The following IL1RAPL2 variants were observed in gnomAD, a reference collection of about 807,000 sequenced individuals.
IL1RAPL2 encodes interleukin 1 receptor accessory protein like 2.
A neutral mutation model predicts 44.1 loss-of-function variants in IL1RAPL2; 3 were observed. The ratio of observed to expected loss-of-function variants is 0.07; its 90% CI spans 0.03 to 0.18. The LOEUF is 0.18. Ranked by LOEUF, IL1RAPL2 falls within the 10% of genes least tolerant of loss-of-function variation. The pLI is 1.00. For missense variants in IL1RAPL2, 391 were observed against 496.4 expected (o/e 0.79, Z 2.02); for synonymous variants, 181 against 178.8 (o/e 1.01, Z -0.10).
chrX:105,509,921 T>C (rs1276389800), intron 6 of IL1RAPL2, among the ~76,000 whole-genome samples: 1 of 111,325 alleles, frequency 9.0e-6, no homozygotes, highest in African/African-American at 3.3e-5. Flanking sequence ...CCTGTAATCC[T>C]AGCATTTTGG....
intron 7 of IL1RAPL2, among the ~76,000 whole-genome samples, chrX:105,736,913 A>G (rs181968187): frequency 5.8e-4 from 65 of 112,222 alleles, no homozygotes; most frequent in Non-Finnish European, 1.0e-3. Context: ...GTTCTACCAT[A>G]AAGATGCATG....
chrX:105,748,830 C>A, intron 8 of IL1RAPL2, 130 bp from the exon 9 acceptor site: 1 of 536,809 alleles, frequency 1.9e-6, no homozygotes, highest in Non-Finnish European at 2.9e-6. Context: ...AAGAGCAAAG[C>A]TACTGCATTA....
chrX:104,740,805 T>C (rs1391740047), intron 2 of IL1RAPL2, among the ~76,000 whole-genome samples: 1 of 111,456 alleles, frequency 9.0e-6, no homozygotes, highest in East Asian at 2.8e-4. Context: ...TGTTCTACCT[T>C]TGGAAATTGT....
intron 2 of IL1RAPL2, among the ~76,000 whole-genome samples, chrX:104,812,532 T>G (rs780798232): frequency 1.8e-5 from 2 of 111,256 alleles, no homozygotes; most frequent in South Asian, 7.6e-4. Flanking sequence ...TCTGTTTTTT[T>G]TTCTGCCTTA....
chrX:104,997,853 G>T (rs186371071), intron 2 of IL1RAPL2, among the ~76,000 whole-genome samples: 223 of 111,714 alleles, frequency 2.0e-3, no homozygotes, highest in Non-Finnish European at 3.4e-3. Context: ...CAAGAGTTCT[G>T]TTTTGGAGAT....
chrX:105,518,761 T>G (rs1164705323), intron 6 of IL1RAPL2, among the ~76,000 whole-genome samples: 2 of 111,864 alleles, frequency 1.8e-5, no homozygotes, highest in Admixed American at 9.6e-5. Context: ...ATGACACATT[T>G]CAAGTACTTG....
At chrX:105,283,090 C>A (rs1041070686) in intron 5 of IL1RAPL2, among the ~76,000 whole-genome samples, 1 of 110,928 alleles carries the variant, frequency 9.0e-6, no homozygotes, top group African/African-American at 3.3e-5. Context: ...AAGTGGAAAC[C>A]GTTATTCACC....
intron 5 of IL1RAPL2, among the ~76,000 whole-genome samples, chrX:105,338,816 C>T (rs2035048292): frequency 9.0e-6 from 1 of 111,714 alleles, no homozygotes; most frequent in African/African-American, 3.3e-5. Context: ...AACAGCAGCA[C>T]AGGCTGGGCG....
At chrX:105,555,542 A>G (rs1026263675) in intron 6 of IL1RAPL2, among the ~76,000 whole-genome samples, 22 of 112,216 alleles carry the variant, frequency 2.0e-4, no homozygotes, top group Middle Eastern at 4.6e-3. Context: ...GAAAGGTCTC[A>G]GTCATTCCTC....
At position 104,952,941 on chromosome X, in the gene IL1RAPL2, CTA is replaced by C. The variant is rs1265266890; in HGVS notation, c.83-242532_83-242531del. Reference sequence around the variant, plus strand: ...GTCTAGTGTCATGTTTAAGTGTGGACTATGTTTTGATCTGTTCTTTGCCAATT... The same window carrying C: ...GTCTAGTGTCATGTTTAAGTGTGGACTGTTTTGATCTGTTCTTTGCCAATT... On this transcript the variant is annotated intron_variant, in intron 2 of 10. Coordinates refer to ENST00000372582, the MANE Select transcript of IL1RAPL2 (RefSeq NM_017416.2). Among the ~76,000 whole-genome samples, 5 of 112,221 alleles carry C rather than the reference CTA, an allele frequency of 4.5e-5. No individual in the cohort carries two copies. The Admixed American group carries it at 4.7e-4, about 11-fold the overall frequency.
intron 5 of IL1RAPL2, among the ~76,000 whole-genome samples, chrX:105,360,955 A>T (rs996692929): frequency 9.0e-6 from 1 of 111,549 alleles, no homozygotes; most frequent in South Asian, 3.7e-4. Context: ...CTATTTAATG[A>T]TTATCTATAG....
chrX:104,871,375 C>G (rs1922757536), intron 2 of IL1RAPL2, among the ~76,000 whole-genome samples: 1 of 111,502 alleles, frequency 9.0e-6, no homozygotes, highest in Non-Finnish European at 1.9e-5. Flanking sequence ...CATGATAATA[C>G]AAATCTGGGA....
At chrX:104,710,289 G>A (rs1465101597) in intron 2 of IL1RAPL2, among the ~76,000 whole-genome samples, 1 of 111,318 alleles carries the variant, frequency 9.0e-6, no homozygotes, top group Non-Finnish European at 1.9e-5. Flanking sequence ...ACATACAATG[G>A]AATATTATTT....
At chrX:105,414,629 C>A (rs73245777) in intron 5 of IL1RAPL2, among the ~76,000 whole-genome samples, 1 of 111,356 alleles carries the variant, frequency 9.0e-6, no homozygotes, top group Non-Finnish European at 1.9e-5. Context: ...GTTCAGTAGA[C>A]CCAGGAAACT....
intron 2 of IL1RAPL2, among the ~76,000 whole-genome samples, chrX:104,753,140 T>A (rs750530548): frequency 9.2e-6 from 1 of 108,751 alleles, no homozygotes; most frequent in African/African-American, 3.3e-5. Context: ...CAATATCTTT[T>A]TTTTTTTTTT....
chrX:105,051,891 CT>C (rs1310162073), intron 2 of IL1RAPL2, among the ~76,000 whole-genome samples: 1 of 112,220 alleles, frequency 8.9e-6, no homozygotes, highest in Non-Finnish European at 1.9e-5. Context: ...GGAAACGGAA[CT>C]TAAGAGGACG....
intron 6 of IL1RAPL2, among the ~76,000 whole-genome samples, chrX:105,577,260 G>A (rs2037057389): frequency 9.0e-6 from 1 of 111,546 alleles, no homozygotes; most frequent in East Asian, 2.8e-4. Flanking sequence ...ATAATTGCCA[G>A]TAAAAGCATT....
At chrX:104,751,767 G>A (rs1932263520) in intron 2 of IL1RAPL2, among the ~76,000 whole-genome samples, 1 of 111,072 alleles carries the variant, frequency 9.0e-6, no homozygotes, top group Non-Finnish European at 1.9e-5. Flanking sequence ...TTTTCCACAA[G>A]GAGCATAAGA....
At chrX:104,863,426 T>C (rs1031637674) in intron 2 of IL1RAPL2, among the ~76,000 whole-genome samples, 2 of 112,414 alleles carry the variant, frequency 1.8e-5, no homozygotes, top group African/African-American at 6.5e-5. Context: ...ATCTGCTATG[T>C]AACATAAGAC....
Sources: gnomAD v4.1 joint callset for allele counts (sites outside exome capture counted in the v4.1 genomes callset) on GRCh38, gnomAD v4.1.1 for gene constraint, MANE v1.5 for transcripts, NCBI Gene and HGNC (gene_info 2026-07-23, HGNC 2026-07-21) for gene names.